Variants in MGLL observed in about 807,000 individuals in gnomAD.
The protein encoded by MGLL is monoglyceride lipase.
A neutral mutation model predicts 29.1 loss-of-function variants in MGLL; 7 were observed. The observed-to-expected ratio is 0.24, with a 90% CI of 0.14 to 0.45. MGLL has a LOEUF of 0.45. Among genes scored for constraint, MGLL ranks in the 20% least tolerant of loss-of-function variants. The pLI is 0.99. For missense variants in MGLL, 356 were observed against 413.6 expected, an observed-to-expected ratio of 0.86 and a Z score of 1.21; for synonymous variants, 148 against 168.3, an observed-to-expected ratio of 0.88 and a Z score of 0.93.
At chr3:127,816,504 C>T (rs1295005982) in intron 2 of MGLL, among the ~76,000 whole-genome samples, 1 of 152,122 alleles carries the variant, frequency 6.6e-6, no homozygotes, top group Non-Finnish European at 1.5e-5. Context: ...CTGGGAGGGG[C>T]CCTTATTTCC....
chr3:127,690,863 G>C lies in MGLL; in HGVS notation c.*1335C>G, dbSNP rs1284229145. The C allele has an allele frequency of 6.5e-6, 1 of 152,762 alleles. No homozygotes were observed. The highest frequency in any genetic ancestry group is 1.5e-5 in the Non-Finnish European group (1 of 68,132). The allele number at this position is 152,762 out of a possible 1,614,324, so 9.5% of individuals were successfully genotyped here. On this transcript the variant is annotated 3_prime_UTR_variant, in exon 8 of 8. Coordinates refer to ENST00000265052, the MANE Select transcript of MGLL (RefSeq NM_007283.7). ...AGGGCAGGCTAGGCCCAGGGCCTCA[G>C]CTCTGAATGATTGGCTGATGCCAGC...
rs187816914 is a variant in MGLL at position 127,779,045 on chromosome 3, G to A, written c.262+2744C>T. On this transcript the variant is annotated intron_variant, in intron 3 of 7. Transcript: ENST00000265052. ...GCTGGGACTACAGGTGTGAGCCATT[G>A]CACCTTGCCTGCTTTATTTAAATTT... 2.0e-5 allele frequency among the ~76,000 whole-genome samples: 3 copies of A among 152,282 alleles called. No individual in the cohort carries two copies. In the East Asian group the frequency reaches 5.8e-4, roughly 30 times the overall value.
intron 3 of MGLL, among the ~76,000 whole-genome samples, chr3:127,763,248 C>T (rs1025253260): frequency 6.6e-6 from 1 of 152,150 alleles, no homozygotes; most frequent in African/African-American, 2.4e-5. Context: ...AGAAAGGCTC[C>T]GGAGGGTACA....
intron 6 of MGLL, among the ~76,000 whole-genome samples, chr3:127,696,393 C>G (rs1486325356): frequency 1.2e-5 from 1 of 85,362 alleles, no homozygotes; most frequent in Non-Finnish European, 2.4e-5. Context: ...GCCCCTGATG[C>G]TTCTTTTTTT....
chr3:127,781,893 G>A lies in MGLL; in HGVS notation c.158C>T (p.Ala53Val), dbSNP rs1299495262. ...GGCTCCATGGGACACAAAGATGAGGGCCCTGCAGAGACAAGAAGGGAGCCT... is the reference window on the plus strand; with the variant it reads ...GGCTCCATGGGACACAAAGATGAGGACCCTGCAGAGACAAGAAGGGAGCCT... ...RYWKPTGTPKALIFVSHGAGE... is the reference protein window; with the variant it reads ...RYWKPTGTPKVLIFVSHGAGE... The change falls in exon 3 of 8, where the codon GCC (alanine) becomes GTC (valine). Residue 53 changes from alanine to valine, a missense_variant and splice_region_variant. Physicochemically the swap from Ala to Val is moderately conservative, Grantham distance 64. Coordinates refer to ENST00000265052, the MANE Select transcript of MGLL (RefSeq NM_007283.7). 6.2e-7 allele frequency: 1 copy of A among 1,613,954 alleles called. No individual in the cohort carries two copies. The highest frequency in any genetic ancestry group is 1.1e-5 in the South Asian group (1 of 91,072).
At chr3:127,720,297 G>T (rs769026028) in intron 5 of MGLL, among the ~76,000 whole-genome samples, 2 of 152,166 alleles carry the variant, frequency 1.3e-5, no homozygotes, top group Non-Finnish European at 2.9e-5. Flanking sequence ...TTGTGGATAC[G>T]TGGGGTTGGG....
chr3:127,815,282 A>G (rs138030385), intron 2 of MGLL, among the ~76,000 whole-genome samples: 19 of 152,254 alleles, frequency 1.2e-4, no homozygotes, highest in African/African-American at 3.6e-4. Flanking sequence ...TCCTTGCCAC[A>G]CAGCAGCCCC....
At chr3:127,718,152 T>C (rs958313695) in intron 5 of MGLL, among the ~76,000 whole-genome samples, 3 of 141,496 alleles carry the variant, frequency 2.1e-5, no homozygotes, top group Non-Finnish European at 4.6e-5. Context: ...GTTCTCACAT[T>C]GCAGGGGGTG....
intron 3 of MGLL, among the ~76,000 whole-genome samples, chr3:127,760,759 G>C (rs937122946): frequency 1.4e-4 from 21 of 152,262 alleles, no homozygotes; most frequent in African/African-American, 5.1e-4. Context: ...TTTCCCAAAA[G>C]TTAAAACTGT....
rs751234624 is a variant in MGLL, at chr3:127,695,195, A to T, written c.601-5T>A. 1 of 1,612,924 alleles carries T rather than the reference A, an allele frequency of 6.2e-7. No individual in the cohort carries two copies. Among genetic ancestry groups the T allele is most frequent in the Non-Finnish European group, 8.5e-7 (1 of 1,179,110 alleles). Reference sequence around the variant, plus strand: ...GTCTGAGTTATAAATGTCGACCTGGAGGAAGAAGGAGAGGGTTCCATCAGC... The same window carrying T: ...GTCTGAGTTATAAATGTCGACCTGGTGGAAGAAGGAGAGGGTTCCATCAGC... On this transcript the variant is annotated splice_polypyrimidine_tract_variant and splice_region_variant and intron_variant, in intron 6 of 7. Coordinates refer to ENST00000265052, the MANE Select transcript of MGLL (RefSeq NM_007283.7).
At chr3:127,733,984 G>C (rs951190521) in intron 3 of MGLL, among the ~76,000 whole-genome samples, 1 of 152,252 alleles carries the variant, frequency 6.6e-6, no homozygotes. Context: ...AGCGTAGAGC[G>C]TTGTGGCCCT....
rs1235264417 is a variant in MGLL, at chr3:127,695,121, G to T, written c.670C>A (p.Leu224Met). 1 of 1,614,218 alleles carries T rather than the reference G, an allele frequency of 6.2e-7. No homozygotes were observed. Among genetic ancestry groups the T allele is most frequent in the East Asian group, 2.2e-5 (1 of 44,886 alleles). ...CGCTCCACCCGTGAGACGGCATTCAGCAGTTGGATGCCGAAGCACACCTTC... is the reference window on the plus strand; with the variant it reads ...CGCTCCACCCGTGAGACGGCATTCATCAGTTGGATGCCGAAGCACACCTTC... ...GLKVCFGIQL[L>M]NAVSRVERAL... is the part of the protein sequence containing the mutation. The change falls in exon 7 of 8, where the codon CTG (leucine) becomes ATG (methionine). Residue 224 changes from leucine to methionine, a missense_variant. Leu to Met is a conservative substitution (Grantham distance 15). Coordinates refer to ENST00000265052, the MANE Select transcript of MGLL (RefSeq NM_007283.7).
intron 2 of MGLL, among the ~76,000 whole-genome samples, chr3:127,790,917 G>A (rs985596721): frequency 6.6e-6 from 1 of 152,172 alleles, no homozygotes; most frequent in African/African-American, 2.4e-5. Flanking sequence ...GGGCTGGTGT[G>A]TGAACTTGCT....
intron 4 of MGLL, among the ~76,000 whole-genome samples, chr3:127,721,801 A>G (rs2107623782): frequency 6.6e-6 from 1 of 152,296 alleles, no homozygotes; most frequent in Admixed American, 6.5e-5. Context: ...CCCTGGTCAG[A>G]TGTCCCCAGG....
chr3:127,748,617 C>T (rs1398148667), intron 3 of MGLL, among the ~76,000 whole-genome samples: 1 of 151,650 alleles, frequency 6.6e-6, no homozygotes, highest in Non-Finnish European at 1.5e-5. Context: ...ATGGGGAGGA[C>T]CATGTGAGGA....
chr3:127,760,920 G>A (rs531387081), intron 3 of MGLL, among the ~76,000 whole-genome samples: 3 of 152,184 alleles, frequency 2.0e-5, no homozygotes, highest in African/African-American at 7.2e-5. Flanking sequence ...GGGGTGATCC[G>A]TGGAAAAAAT....
intron 7 of MGLL, among the ~76,000 whole-genome samples, chr3:127,693,076 C>T (rs1216588539): frequency 6.6e-6 from 1 of 152,142 alleles, no homozygotes; most frequent in South Asian, 2.1e-4. Context: ...CATCTCCATC[C>T]GAATTTCTGG....
At position 127,757,426 on chromosome 3, in the gene MGLL, C is replaced by T. The variant is rs185576309; in HGVS notation, c.262+24363G>A. 3.5e-3 allele frequency among the ~76,000 whole-genome samples: 527 copies of T among 152,256 alleles called. 2 individuals are homozygous for T. Among genetic ancestry groups the T allele is most frequent in the African/African-American group, 0.012 (495 of 41,544 alleles). ...AACTGCCCTAGGCATATCCCAGTGC[C>T]TGTATATAATATATAATACACACAG... On this transcript the variant is annotated intron_variant, in intron 3 of 7. Coordinates refer to ENST00000265052, the MANE Select transcript of MGLL (RefSeq NM_007283.7).
In MGLL at chr3:127,721,064, T is replaced by C. The variant is rs2075909699; in HGVS notation, c.499A>G (p.Thr167Ala). Reference protein sequence around the residue: ...PLVLANPESATTFKVLAAKVL... With the variant: ...PLVLANPESAATFKVLAAKVL... ...GAAGGTCCTTTTACCTTGAAAGTTG[T>C]TGCAGATTCAGGATTGGCAAGAACC... Residue 167 changes from threonine to alanine, a missense_variant, in exon 5 of 8, where the codon ACA becomes GCA. Thr to Ala is a moderately conservative substitution (Grantham distance 58, BLOSUM62 0). Coordinates refer to ENST00000265052, the MANE Select transcript of MGLL (RefSeq NM_007283.7). The C allele has an allele frequency of 6.2e-7, 1 of 1,614,214 alleles. No homozygotes were observed. The highest frequency in any genetic ancestry group is 8.5e-7 in the Non-Finnish European group (1 of 1,180,002).
Sources: allele counts gnomAD v4.1 joint callset (sites outside exome capture counted in the v4.1 genomes callset), GRCh38; gene constraint gnomAD v4.1.1; transcripts MANE v1.5; gene names NCBI Gene and HGNC (gene_info 2026-07-23, HGNC 2026-07-21).